ABCA12: variants seen among roughly 807,000 people sequenced by gnomAD.
ABCA12 encodes glucosylceramide transporter ABCA12.
A neutral mutation model predicts 293.5 loss-of-function variants in ABCA12; 156 were observed. The ratio of observed to expected loss-of-function variants is 0.53; its 90% confidence interval spans 0.47 to 0.61. ABCA12 has a LOEUF of 0.61. Among genes scored for constraint, ABCA12 ranks in the 20% least tolerant of loss-of-function variants. ABCA12 has a pLI of 0.00. For synonymous variants in ABCA12, 1,063 were observed against 1,108.0 expected (o/e 0.96, Z 0.81); for missense variants, 2,797 against 3,090.2 (o/e 0.91, Z 2.25).
chr2:215,126,535 G>A (rs1702926740), intron 1 of ABCA12, among the ~76,000 whole-genome samples: 1 of 152,080 alleles, frequency 6.6e-6, no homozygotes. Context: ...TAGGAGGGTT[G>A]TATTTTTCCA....
intron 2 of ABCA12, among the ~76,000 whole-genome samples, chr2:215,092,601 G>A (rs576094904): frequency 3.3e-5 from 5 of 152,116 alleles, no homozygotes; most frequent in South Asian, 2.1e-4. Flanking sequence ...GCTTTAAAAC[G>A]GTTAAAGCTT....
chr2:214,964,021 CA>C (rs1239022303), intron 39 of ABCA12, among the ~76,000 whole-genome samples: 2 of 151,504 alleles, frequency 1.3e-5, no homozygotes, highest in African/African-American at 4.9e-5. Flanking sequence ...GTTTGCACAT[CA>C]AAAAGCTTAT....
intron 2 of ABCA12, among the ~76,000 whole-genome samples, chr2:215,098,898 C>T (rs927916512): frequency 3.3e-5 from 5 of 152,192 alleles, no homozygotes; most frequent in African/African-American, 7.2e-5. Flanking sequence ...ATAAGGACAC[C>T]GCGATGATGG....
chr2:214,996,698 A>G (rs550675358), intron 23 of ABCA12, among the ~76,000 whole-genome samples: 47 of 152,362 alleles, frequency 3.1e-4, no homozygotes, highest in African/African-American at 1.1e-3. Flanking sequence ...GGTAAAAAAT[A>G]TAAGTTCAAA....
At chr2:215,110,948 A>G (rs1415688079) in intron 2 of ABCA12, among the ~76,000 whole-genome samples, 2 of 152,262 alleles carry the variant, frequency 1.3e-5, no homozygotes, top group African/African-American at 4.8e-5. Context: ...AACAGCATTC[A>G]TCAAGCCACT....
Position 215,027,300 on chromosome 2 carries a change from C to T in ABCA12, c.1062-362G>A, listed in dbSNP as rs190696918. 2.4e-4 allele frequency among the ~76,000 whole-genome samples: 36 copies of T among 151,948 alleles called. 1 individual carries two copies. The East Asian group carries it at 7.0e-3, about 29-fold the overall frequency. On this transcript the variant is annotated intron_variant, in intron 9 of 52. Transcript: ENST00000272895. ...GGCGGAGCTTGCAGTGAGTCGAGAT[C>T]GCGCCACTGCACTCCAGCCTGGGCG...
At chr2:215,067,874 C>T (rs1394939009) in intron 2 of ABCA12, among the ~76,000 whole-genome samples, 2 of 152,068 alleles carry the variant, frequency 1.3e-5, no homozygotes, top group Non-Finnish European at 2.9e-5. Flanking sequence ...GTTAACTCAA[C>T]TTTAAAGTAA....
chr2:214,947,641 GA>G (rs764132472), intron 47 of ABCA12, 85 bp from the exon 48 acceptor site: 5 of 1,470,286 alleles, frequency 3.4e-6, no homozygotes, highest in Non-Finnish European at 4.7e-6. Flanking sequence ...AGATGCTCAT[GA>G]AAAGAAAATG....
intron 5 of ABCA12, among the ~76,000 whole-genome samples, chr2:215,050,098 G>C (rs756909605): frequency 3.4e-4 from 51 of 152,116 alleles, no homozygotes; most frequent in Non-Finnish European, 7.2e-4. Flanking sequence ...TCAATGCACA[G>C]AGTCTTTGCT....
At chr2:214,977,737 A>G (rs1002551033) in intron 33 of ABCA12, among the ~76,000 whole-genome samples, 1 of 152,002 alleles carries the variant, frequency 6.6e-6, no homozygotes, top group African/African-American at 2.4e-5. Context: ...ACTATTACAG[A>G]CTCTTAGCCA....
At chr2:215,105,209 A>G (rs1702439838) in intron 2 of ABCA12, among the ~76,000 whole-genome samples, 1 of 152,200 alleles carries the variant, frequency 6.6e-6, no homozygotes, top group Non-Finnish European at 1.5e-5. Context: ...CAAACACTTA[A>G]AGACCATTAT....
At chr2:214,965,599 A>G (rs530827045) in intron 39 of ABCA12, among the ~76,000 whole-genome samples, 1 of 152,330 alleles carries the variant, frequency 6.6e-6, no homozygotes, top group East Asian at 1.9e-4. Context: ...TAAAAAGAAG[A>G]CATACATGCA....
chr2:215,123,843 A>G (rs898892998), intron 1 of ABCA12, among the ~76,000 whole-genome samples: 4 of 151,638 alleles, frequency 2.6e-5, no homozygotes, highest in Non-Finnish European at 5.9e-5. Context: ...TTTAGTGGTG[A>G]TTTGTGAGAT....
intron 3 of ABCA12, among the ~76,000 whole-genome samples, chr2:215,062,219 GC>G (rs1701542427): frequency 6.6e-6 from 1 of 151,946 alleles, no homozygotes; most frequent in African/African-American, 2.4e-5. Flanking sequence ...TAGAACATCA[GC>G]ATACATTATT....
Position 215,000,611 on chromosome 2 carries a change from G to A in ABCA12, c.3179+94C>T, listed in dbSNP as rs978240379. 4 of 1,456,764 alleles carry A rather than the reference G, an allele frequency of 2.7e-6. No homozygotes were observed. The African/African-American group carries it at 4.2e-5, about 15-fold the overall frequency. The allele number at this position is 1,456,764 out of a possible 1,614,324, so 90.2% of individuals were successfully genotyped here. A position where few individuals can be genotyped will look rare whatever the true frequency, so the allele number is the denominator to read the frequency against. On this transcript the variant is annotated intron_variant, in intron 22 of 52. Coordinates refer to ENST00000272895, the MANE Select transcript of ABCA12 (RefSeq NM_173076.3). ...ATATTACAAAAGTTTGGTGAATGTT[G>A]TTCCTTTCATGTAATACATCTGAAT...
At chr2:214,984,086 G>A (rs959319062) in intron 28 of ABCA12, among the ~76,000 whole-genome samples, 3 of 138,154 alleles carry the variant, frequency 2.2e-5, no homozygotes, top group South Asian at 2.3e-4. Context: ...TGACAAAAAC[G>A]ATCAGGCCTT....
intron 2 of ABCA12, among the ~76,000 whole-genome samples, chr2:215,109,477 C>G (rs1702527346): frequency 6.6e-6 from 1 of 152,200 alleles, no homozygotes; most frequent in Non-Finnish European, 1.5e-5. Flanking sequence ...GACTAACAAA[C>G]ATACTTTCCG....
At chr2:215,011,061 T>A (rs1037283256) in intron 17 of ABCA12, among the ~76,000 whole-genome samples, 1 of 152,020 alleles carries the variant, frequency 6.6e-6, no homozygotes, top group Non-Finnish European at 1.5e-5. Flanking sequence ...AGGAAAAAAA[T>A]TTCAACCCAA....
At chr2:215,053,151 T>G (rs1315838778) in intron 4 of ABCA12, among the ~76,000 whole-genome samples, 1 of 152,140 alleles carries the variant, frequency 6.6e-6, no homozygotes, top group Non-Finnish European at 1.5e-5. Context: ...AATTAAGTAA[T>G]TCCCAATGCA....
Sources: gnomAD v4.1 joint callset for allele counts (sites outside exome capture counted in the v4.1 genomes callset) on GRCh38, gnomAD v4.1.1 for gene constraint, MANE v1.5 for transcripts, NCBI Gene and HGNC (gene_info 2026-07-23, HGNC 2026-07-21) for gene names.